Variants in GALNT17 observed in about 807,000 individuals in gnomAD.
The protein encoded by GALNT17 is UDP-GalNAc:polypeptide N-acetylgalactosaminyltransferase-like 3.
A neutral mutation model predicts 63.7 loss-of-function variants in GALNT17; 29 were observed. The observed-to-expected ratio is 0.46, with a 90% CI of 0.34 to 0.62. The LOEUF (loss-of-function observed/expected upper bound fraction) is 0.62, where lower values mean the gene tolerates loss of function less well. GALNT17 is among the 20% of genes least tolerant of loss of function. The pLI is 0.01. For missense variants in GALNT17, 603 were observed against 799.6 expected (o/e 0.75, Z 2.97); for synonymous variants, 305 against 318.3 (o/e 0.96, Z 0.45).
intron 3 of GALNT17, among the ~76,000 whole-genome samples, chr7:71,408,272 T>C (rs17465622): frequency 0.018 from 2,678 of 152,244 alleles, 30 homozygotes; most frequent in Non-Finnish European, 0.03. Flanking sequence ...TGTTTCTTAA[T>C]TGGAACGTGC....
intron 6 of GALNT17, among the ~76,000 whole-genome samples, chr7:71,615,879 T>C (rs1024494296): frequency 2.0e-5 from 3 of 152,138 alleles, no homozygotes; most frequent in Non-Finnish European, 4.4e-5. Context: ...CCACTCGGCT[T>C]GACAGGAGGA....
intron 1 of GALNT17, among the ~76,000 whole-genome samples, chr7:71,195,669 T>C (rs1789035174): frequency 6.6e-6 from 1 of 151,852 alleles, no homozygotes; most frequent in Non-Finnish European, 1.5e-5. Context: ...CTCCTCAGCC[T>C]CCTAAGTAGC....
intron 5 of GALNT17, among the ~76,000 whole-genome samples, chr7:71,457,838 G>C (rs960775265): frequency 6.6e-6 from 1 of 152,138 alleles, no homozygotes; most frequent in Admixed American, 6.5e-5. Flanking sequence ...CGCCTTAACT[G>C]TCTGGGAATC....
chr7:71,582,125 C>T (rs778396362), intron 6 of GALNT17, among the ~76,000 whole-genome samples: 10 of 152,158 alleles, frequency 6.6e-5, no homozygotes, highest in Middle Eastern at 3.4e-3. Context: ...AGTAGAACTA[C>T]GATTTGATCC....
chr7:71,290,349 G>A (rs574177469), intron 1 of GALNT17, among the ~76,000 whole-genome samples: 6 of 152,282 alleles, frequency 3.9e-5, no homozygotes, highest in African/African-American at 1.2e-4. Flanking sequence ...TTGTCCAGGC[G>A]GGATGCTCAG....
chr7:71,275,237 C>A (rs190773245), intron 1 of GALNT17, among the ~76,000 whole-genome samples: 1 of 152,066 alleles, frequency 6.6e-6, no homozygotes, highest in Non-Finnish European at 1.5e-5. Context: ...GGGGTCCTTA[C>A]GTTAATAAAT....
intron 6 of GALNT17, among the ~76,000 whole-genome samples, chr7:71,583,727 GCACACA>G (rs969364342): frequency 0.022 from 619 of 28,406 alleles, 6 homozygotes; most frequent in African/African-American, 0.052. Context: ...GAACACACAT[GCACACA>G]CACACACACA....
chr7:71,198,881 CT>C (rs904924709), intron 1 of GALNT17, among the ~76,000 whole-genome samples: 3 of 152,160 alleles, frequency 2.0e-5, no homozygotes, highest in Non-Finnish European at 4.4e-5. Flanking sequence ...GGTTCATAAA[CT>C]TTAGTAGGTT....
At chr7:71,369,475 T>A (rs1025433436) in intron 2 of GALNT17, among the ~76,000 whole-genome samples, 43 of 151,676 alleles carry the variant, frequency 2.8e-4, no homozygotes, top group Admixed American at 1.4e-3. Context: ...CCCTGTGGGG[T>A]TTTGGAAAGG....
intron 6 of GALNT17, among the ~76,000 whole-genome samples, chr7:71,598,276 A>C (rs115330167): frequency 1.4e-4 from 21 of 152,260 alleles, no homozygotes; most frequent in Non-Finnish European, 2.5e-4. Context: ...AGTAGAAGTC[A>C]TTTTCTAATT....
chr7:71,276,929 C>T (rs1465046343), intron 1 of GALNT17, among the ~76,000 whole-genome samples: 3 of 152,042 alleles, frequency 2.0e-5, no homozygotes, highest in East Asian at 1.9e-4. Flanking sequence ...ACCTGGCAGG[C>T]GGAGATTGCA....
In GALNT17 at chr7:71,180,350, C is replaced by T. The variant is rs530213165; in HGVS notation, c.238+47310C>T. Among the ~76,000 whole-genome samples, 17 of 152,234 alleles carry T rather than the reference C, an allele frequency of 1.1e-4. 1 individual carries two copies. In the East Asian group the frequency reaches 2.9e-3, roughly 26 times the overall value. ...TCCCACCCAGGCTGTTCTCAAACTC[C>T]TGAGCTCAGGAAATCCAAGGCCTGA... On this transcript the variant is annotated intron_variant, in intron 1 of 10. Coordinates refer to ENST00000333538, the MANE Select transcript of GALNT17 (RefSeq NM_022479.3).
intron 1 of GALNT17, among the ~76,000 whole-genome samples, chr7:71,173,972 G>A (rs1458194412): frequency 1.3e-5 from 2 of 152,106 alleles, no homozygotes; most frequent in Non-Finnish European, 2.9e-5. Context: ...GAGAAAACTG[G>A]GAAGAGGAGG....
chr7:71,173,068 C>A, intron 1 of GALNT17, among the ~76,000 whole-genome samples: 1 of 152,176 alleles, frequency 6.6e-6, no homozygotes, highest in East Asian at 1.9e-4. Flanking sequence ...AGGTAGAAGT[C>A]TTTTCTGGCT....
chr7:71,398,288 T>G (rs905865494), intron 3 of GALNT17, among the ~76,000 whole-genome samples: 22 of 152,150 alleles, frequency 1.4e-4, no homozygotes, highest in Non-Finnish European at 2.9e-5. Context: ...AATTTTCTTA[T>G]TTTTCTCTGC....
At chr7:71,226,561 C>T (rs369039811) in intron 1 of GALNT17, among the ~76,000 whole-genome samples, 10 of 152,098 alleles carry the variant, frequency 6.6e-5, no homozygotes, top group East Asian at 3.9e-4. Context: ...GCATGATCAA[C>T]CTCTGCCTCC....
Position 71,712,394 on chromosome 7 carries a change from TC to T in GALNT17, c.*249del. On this transcript the variant is annotated 3_prime_UTR_variant, in exon 11 of 11. Transcript: ENST00000333538. ...CCTTCCTCTGGGAAACTGACAGCTG[TC>T]TTCCACAGCCTCTGATGTGGACCTG... The T allele has an allele frequency of 2.6e-6, 1 of 384,682 alleles. No homozygotes were observed. The highest frequency in any genetic ancestry group is 4.8e-6 in the Non-Finnish European group (1 of 208,752). The allele number at this position is 384,682 out of a possible 1,614,324, so 23.8% of individuals were successfully genotyped here. A position where few individuals can be genotyped will look rare whatever the true frequency, so the allele number is the denominator to read the frequency against.
intron 5 of GALNT17, among the ~76,000 whole-genome samples, chr7:71,519,679 G>T (rs1788498997): frequency 3.9e-5 from 6 of 152,094 alleles, no homozygotes. Context: ...GGCCAGGCTG[G>T]TCTCAAACTC....
At chr7:71,698,548 T>C (rs931753114) in intron 9 of GALNT17, among the ~76,000 whole-genome samples, 4 of 152,146 alleles carry the variant, frequency 2.6e-5, no homozygotes, top group Non-Finnish European at 5.9e-5. Flanking sequence ...TTTGCAAAGT[T>C]GTCACTGGTT....
Sources: gnomAD v4.1 joint callset for allele counts (sites outside exome capture counted in the v4.1 genomes callset) on GRCh38, gnomAD v4.1.1 for gene constraint, MANE v1.5 for transcripts, NCBI Gene and HGNC (gene_info 2026-07-23, HGNC 2026-07-21) for gene names.